Variants in KLRG1 observed in about 807,000 individuals in gnomAD.
KLRG1 encodes killer cell lectin like receptor G1, also known as killer cell lectin-like receptor subfamily G member 1.
KLRG1 carries 16 observed loss-of-function variants against 21.8 expected under a neutral mutation model. That is an observed-to-expected ratio of 0.73 (90% CI 0.50 to 1.11). KLRG1 has a LOEUF of 1.11. KLRG1 is among the 50% of genes most tolerant of loss of function. KLRG1 has a pLI of 0.00. For synonymous variants in KLRG1, 69 were observed against 75.9 expected (o/e 0.91, Z 0.47); for missense variants, 173 against 218.3 (o/e 0.79, Z 1.31).
the KLRG1 span, chr12:9,201,197 T>A: frequency 2.2e-6 from 3 of 1,356,214 alleles, no homozygotes; most frequent in East Asian, 2.3e-5. Flanking sequence ...ACAATCAACC[T>A]GACAACTGGG....
chr12:8,974,759 AT>A (rs1464853115), intron 1 of KLRG1, among the ~76,000 whole-genome samples: 1 of 151,874 alleles, frequency 6.6e-6, no homozygotes, highest in Non-Finnish European at 1.5e-5. Context: ...TGCTGTTGTT[AT>A]TTGGTTTACG....
At chr12:9,127,808 G>A in the KLRG1 span, 1 of 219,274 alleles carries the variant, frequency 4.6e-6, no homozygotes, top group Non-Finnish European at 9.5e-6. Context: ...GACAAGGTGC[G>A]GGCTCTGGAG....
the KLRG1 span, among the ~76,000 whole-genome samples, chr12:9,132,553 T>G: frequency 1.3e-5 from 2 of 152,122 alleles, no homozygotes; most frequent in Non-Finnish European, 2.9e-5. Flanking sequence ...TACTCTGGCA[T>G]GAATATGACA....
chr12:8,955,077 T>C (rs12422905), intron 1 of KLRG1, among the ~76,000 whole-genome samples: 55,730 of 151,870 alleles, frequency 0.37, 11,339 homozygotes, highest in Middle Eastern at 0.47. Flanking sequence ...CCATCATGTC[T>C]GGCTAATTTT....
At chr12:9,201,441 T>G in the KLRG1 span, 2 of 942,742 alleles carry the variant, frequency 2.1e-6, no homozygotes, top group South Asian at 1.6e-5. Context: ...AGGAAGAATA[T>G]TATCTGTAGC....
the KLRG1 span, among the ~76,000 whole-genome samples, chr12:9,033,438 CT>C: frequency 3.7e-4 from 55 of 148,758 alleles, no homozygotes; most frequent in Middle Eastern, 3.5e-3. Flanking sequence ...GAATGAGACT[CT>C]TTAAAAAAAA....
chr12:9,146,475 G>A, the KLRG1 span, among the ~76,000 whole-genome samples: 1 of 152,074 alleles, frequency 6.6e-6, no homozygotes, highest in Non-Finnish European at 1.5e-5. Flanking sequence ...TCTCCATAAA[G>A]TAAATCACAT....
the KLRG1 span, chr12:9,128,532 A>G: frequency 6.6e-6 from 1 of 152,302 alleles, no homozygotes; most frequent in South Asian, 2.1e-4. Flanking sequence ...CAGCTGGGCA[A>G]TGTGTGTGCT....
chr12:9,039,267 A>C, the KLRG1 span, among the ~76,000 whole-genome samples: 1 of 152,204 alleles, frequency 6.6e-6, no homozygotes, highest in African/African-American at 2.4e-5. Flanking sequence ...GCTTTTACTG[A>C]GAATAGAAGA....
chr12:9,082,976 T>C, the KLRG1 span, among the ~76,000 whole-genome samples: 1 of 152,194 alleles, frequency 6.6e-6, no homozygotes, highest in African/African-American at 2.4e-5. Context: ...TAGTTCTAGA[T>C]CCCTGAGGAA....
At chr12:9,197,639 ATAT>A in the KLRG1 span, among the ~76,000 whole-genome samples, 2 of 66,334 alleles carry the variant, frequency 3.0e-5, no homozygotes, top group Non-Finnish European at 5.2e-5. Context: ...ATTATATATT[ATAT>A]TATATAATAT....
At chr12:9,065,592 T>C in the KLRG1 span, among the ~76,000 whole-genome samples, 3 of 152,186 alleles carry the variant, frequency 2.0e-5, no homozygotes, top group Admixed American at 6.5e-5. Flanking sequence ...TGAAGACAGC[T>C]GGACACTGAC....
chr12:8,983,395 C>CTTTTTTTTT (rs764267755), intron 1 of KLRG1, among the ~76,000 whole-genome samples: 2 of 89,538 alleles, frequency 2.2e-5, no homozygotes, highest in Non-Finnish European at 4.2e-5. Flanking sequence ...ACCATTTTAC[C>CTTTTTTTTT]TTTTTTTTTT....
chr12:9,193,245 A>G, the KLRG1 span, among the ~76,000 whole-genome samples: 76 of 152,320 alleles, frequency 5.0e-4, no homozygotes, highest in Admixed American at 2.1e-3. Flanking sequence ...AGCCTTGCAG[A>G]TAATGTTTTG....
At chr12:9,172,953 A>G in the KLRG1 span, among the ~76,000 whole-genome samples, 3 of 152,366 alleles carry the variant, frequency 2.0e-5, no homozygotes, top group South Asian at 6.2e-4. Flanking sequence ...TTAGGACCTG[A>G]ACTCAACTCT....
the KLRG1 span, among the ~76,000 whole-genome samples, chr12:9,075,599 G>C: frequency 6.6e-6 from 1 of 152,082 alleles, no homozygotes; most frequent in Non-Finnish European, 1.5e-5. Context: ...AAAATAAAAA[G>C]CAGACAAACA....
the KLRG1 span, chr12:9,166,234 A>AAAAC: frequency 6.2e-7 from 1 of 1,602,894 alleles, no homozygotes. Flanking sequence ...TAGTTAGGGA[A>AAAAC]AAACATTCAT....
the KLRG1 span, among the ~76,000 whole-genome samples, chr12:9,149,903 C>G: frequency 3.7e-4 from 57 of 152,262 alleles, 2 homozygotes; most frequent in African/African-American, 1.3e-3. Context: ...TGCTTCTATT[C>G]ACTTTGTTCA....
the KLRG1 span, among the ~76,000 whole-genome samples, chr12:9,039,525 T>C: frequency 6.6e-6 from 1 of 152,350 alleles, no homozygotes; most frequent in South Asian, 2.1e-4. Flanking sequence ...ATGACACCAC[T>C]TTAACAACTG....
Sources: allele counts gnomAD v4.1 joint callset (sites outside exome capture counted in the v4.1 genomes callset), GRCh38; gene constraint gnomAD v4.1.1; transcripts MANE v1.5; gene names NCBI Gene and HGNC (gene_info 2026-07-23, HGNC 2026-07-21).